GPR137C: variants seen among roughly 807,000 people sequenced by gnomAD.
GPR137C encodes G protein-coupled receptor 137C.
GPR137C carries 27 observed loss-of-function variants against 43.4 expected under a neutral mutation model. The observed-to-expected ratio is 0.62, with a 90% confidence interval of 0.46 to 0.86. The LOEUF is 0.86. GPR137C is among the 40% of genes least tolerant of loss of function. The probability of loss-of-function intolerance (pLI) is 0.00; values close to 1 mark genes in which losing one functional copy is unlikely to be tolerated. For synonymous variants in GPR137C, 285 were observed against 226.9 expected, an observed-to-expected ratio of 1.26 and a Z score of -2.30; for missense variants, 522 against 534.6, an observed-to-expected ratio of 0.98 and a Z score of 0.23.
In GPR137C at chr14:52,635,542, T is replaced by C. The variant is rs1393531342; in HGVS notation, c.*427T>C. 6.5e-6 allele frequency: 1 copy of C among 152,930 alleles called. No homozygotes were observed. Among genetic ancestry groups the C allele is most frequent in the Non-Finnish European group, 1.5e-5 (1 of 68,616 alleles). The allele number at this position is 152,930 out of a possible 1,614,324, so 9.5% of individuals were successfully genotyped here. Reference sequence around the variant, plus strand: ...TTCATTGGTATGCTCTATACAGATATCTTAATAAAAATTTTATAGTGTGAA... The same window carrying C: ...TTCATTGGTATGCTCTATACAGATACCTTAATAAAAATTTTATAGTGTGAA... On this transcript the variant is annotated 3_prime_UTR_variant, in exon 7 of 7. Coordinates refer to ENST00000321662, the MANE Select transcript of GPR137C (RefSeq NM_001099652.2).
chr14:52,616,886 C>G (rs937951467), intron 3 of GPR137C, among the ~76,000 whole-genome samples: 1 of 152,160 alleles, frequency 6.6e-6, no homozygotes, highest in African/African-American at 2.4e-5. Context: ...TTCTGACCTC[C>G]ACTTTGACAC....
intron 1 of GPR137C, among the ~76,000 whole-genome samples, chr14:52,562,770 T>C (rs1176718174): frequency 6.6e-6 from 1 of 152,154 alleles, no homozygotes; most frequent in Non-Finnish European, 1.5e-5. Context: ...TAGAACTAAA[T>C]TTACAACCTG....
intron 3 of GPR137C, among the ~76,000 whole-genome samples, chr14:52,626,908 A>C: frequency 6.6e-6 from 1 of 152,204 alleles, no homozygotes; most frequent in Non-Finnish European, 1.5e-5. Context: ...TTTTCCAAAA[A>C]GCAAGCAATA....
chr14:52,567,664 T>G (rs897891744), intron 1 of GPR137C, among the ~76,000 whole-genome samples: 14 of 91,146 alleles, frequency 1.5e-4, no homozygotes, highest in African/African-American at 5.1e-4. Context: ...TTTTTTTGGT[T>G]TTTTTTTTTT....
intron 1 of GPR137C, among the ~76,000 whole-genome samples, chr14:52,585,738 G>T (rs1325200209): frequency 6.6e-6 from 1 of 152,190 alleles, no homozygotes; most frequent in Non-Finnish European, 1.5e-5. Flanking sequence ...GGGAGGCTGA[G>T]GCGTGAGAAT....
chr14:52,616,537 G>A (rs1475219025), intron 3 of GPR137C, among the ~76,000 whole-genome samples: 2 of 151,288 alleles, frequency 1.3e-5, no homozygotes, highest in African/African-American at 2.5e-5. Flanking sequence ...CATGTGATCC[G>A]CCTGCCTCAG....
chr14:52,567,817 G>A (rs759807630), intron 1 of GPR137C, among the ~76,000 whole-genome samples: 19 of 152,082 alleles, frequency 1.2e-4, no homozygotes, highest in Admixed American at 2.6e-4. Flanking sequence ...GTGCCTCCAC[G>A]CCTGGCTAAT....
At chr14:52,576,002 T>C (rs1411286234) in intron 1 of GPR137C, among the ~76,000 whole-genome samples, 1 of 152,164 alleles carries the variant, frequency 6.6e-6, no homozygotes, top group East Asian at 1.9e-4. Flanking sequence ...GTTGGTCATA[T>C]AGGCATGGAG....
At chr14:52,580,387 G>C (rs1566609540) in intron 1 of GPR137C, among the ~76,000 whole-genome samples, 1 of 151,984 alleles carries the variant, frequency 6.6e-6, no homozygotes, top group Non-Finnish European at 1.5e-5. Context: ...TTTTGAGACA[G>C]AGTCTCACCC....
chr14:52,591,777 C>T (rs1226382459), intron 1 of GPR137C, among the ~76,000 whole-genome samples: 2 of 152,094 alleles, frequency 1.3e-5, no homozygotes, highest in South Asian at 2.1e-4. Flanking sequence ...ATGTAGGTCG[C>T]CTGTTCACTC....
At chr14:52,556,678 A>T (rs974266915) in intron 1 of GPR137C, among the ~76,000 whole-genome samples, 2 of 152,126 alleles carry the variant, frequency 1.3e-5, no homozygotes, top group Admixed American at 1.3e-4. Flanking sequence ...ATCTGATAAA[A>T]CTGATTCTAT....
chr14:52,632,127 A>G, intron 3 of GPR137C, 33 bp from the exon 4 acceptor site: 1 of 1,529,000 alleles, frequency 6.5e-7, no homozygotes, highest in Non-Finnish European at 9.0e-7. Flanking sequence ...AAATGTGTAG[A>G]ATACTAAAGA....
At chr14:52,604,282 A>G (rs2038959552) in intron 3 of GPR137C, among the ~76,000 whole-genome samples, 1 of 152,060 alleles carries the variant, frequency 6.6e-6, no homozygotes, top group Admixed American at 6.6e-5. Flanking sequence ...CCATTTGTCT[A>G]TTATTACTTT....
rs575793762 is a variant in GPR137C at position 52,569,938 on chromosome 14, C to T, written c.444+16347C>T. Among the ~76,000 whole-genome samples the T allele has an allele frequency of 1.4e-3, 218 of 152,126 alleles. 1 individual carries two copies. The highest frequency in any genetic ancestry group is 5.2e-3 in the African/African-American group (214 of 41,498). ...AAAACACTCTTCAGGATATTATCCA[C>T]GAGAACGTCCCTAACCTAGCAAGAC... is the stretch of plus-strand genomic sequence containing the variant. On this transcript the variant is annotated intron_variant, in intron 1 of 6. Coordinates refer to ENST00000321662, the MANE Select transcript of GPR137C (RefSeq NM_001099652.2).
intron 3 of GPR137C, among the ~76,000 whole-genome samples, chr14:52,604,265 T>C (rs1472688455): frequency 6.6e-6 from 1 of 152,212 alleles, no homozygotes; most frequent in South Asian, 2.1e-4. Context: ...TTTAGCCTGA[T>C]GTAATCCCAT....
At chr14:52,632,004 A>G (rs895323100) in intron 3 of GPR137C, among the ~76,000 whole-genome samples, 156 bp from the exon 4 acceptor site, 1 of 152,042 alleles carries the variant, frequency 6.6e-6, no homozygotes, top group African/African-American at 2.4e-5. Flanking sequence ...TTCTAGGAAT[A>G]GGAATTGAAA....
At chr14:52,586,184 TTAAAG>T (rs1192684126) in intron 1 of GPR137C, among the ~76,000 whole-genome samples, 1 of 152,228 alleles carries the variant, frequency 6.6e-6, no homozygotes, top group African/African-American at 2.4e-5. Context: ...CCTTCTGACC[TTAAAG>T]TAAACACTAT....
At chr14:52,572,445 A>G (rs994062945) in intron 1 of GPR137C, among the ~76,000 whole-genome samples, 1 of 152,256 alleles carries the variant, frequency 6.6e-6, no homozygotes, top group Non-Finnish European at 1.5e-5. Context: ...GGTTCAACAT[A>G]TGCAAATCAA....
In GPR137C at chr14:52,553,477, G is replaced by A. The variant is rs767147076; in HGVS notation, c.330G>A (p.Leu110=). The change falls in exon 1 of 7, where the codon CTG becomes CTA. Residue 110 remains leucine, a synonymous_variant. Coordinates refer to ENST00000321662, the MANE Select transcript of GPR137C (RefSeq NM_001099652.2). ...CCGCCTTCTCGCTCAGCGGCTCCCT[G>A]CCCTTGCTCCGGCCGCCCGCTCACC... ...FSAAFSLSGS[L]PLLRPPAHLH... 24 of 1,608,702 alleles carry A rather than the reference G, an allele frequency of 1.5e-5. No individual in the cohort carries two copies. The highest frequency in any genetic ancestry group is 1.9e-5 in the Non-Finnish European group (23 of 1,179,770).
Sources: allele counts gnomAD v4.1 joint callset (sites outside exome capture counted in the v4.1 genomes callset), GRCh38; gene constraint gnomAD v4.1.1; transcripts MANE v1.5; gene names NCBI Gene and HGNC (gene_info 2026-07-23, HGNC 2026-07-21).